SUPT16H: variants seen among roughly 807,000 people sequenced by gnomAD.
SUPT16H encodes the protein SPT16 homolog, facilitates chromatin remodeling subunit.
SUPT16H carries 24 observed loss-of-function variants against 136.2 expected under a neutral mutation model. The ratio of observed to expected loss-of-function variants is 0.18; its 90% CI spans 0.13 to 0.25. The LOEUF (loss-of-function observed/expected upper bound fraction) is 0.25. Among genes scored for constraint, SUPT16H ranks in the 10% least tolerant of loss-of-function variants. The pLI, the probability that SUPT16H is intolerant of heterozygous loss-of-function variation, is 1.00. For synonymous variants in SUPT16H, 415 were observed against 428.2 expected (o/e 0.97, Z 0.38); for missense variants, 623 against 1,270.2 (o/e 0.49, Z 7.74).
chr14:21,369,535 A>G, intron 5 of SUPT16H, 180 bp from the exon 6 acceptor site: 1 of 949,490 alleles, frequency 1.1e-6, no homozygotes, highest in Non-Finnish European at 1.6e-6. Context: ...TAGGACTTAC[A>G]GCTATTCCTA....
Position 21,352,895 on chromosome 14 carries a change from A to G in SUPT16H, c.2999-77T>C, listed in dbSNP as rs911785135. 6 of 1,589,002 alleles carry G rather than the reference A, an allele frequency of 3.8e-6. No individual in the cohort carries two copies. The African/African-American group carries it at 6.7e-5, about 18-fold the overall frequency. On this transcript the variant is annotated intron_variant, in intron 25 of 25. Coordinates refer to ENST00000216297, the MANE Select transcript of SUPT16H (RefSeq NM_007192.4). ...ATATTACTGGATAGCATGAGATAGT[A>G]CAGAGAATACACTTTGGAATCAGAC...
chr14:21,381,058 T>G (rs569118606), intron 1 of SUPT16H, among the ~76,000 whole-genome samples: 1 of 152,050 alleles, frequency 6.6e-6, no homozygotes, highest in East Asian at 1.9e-4. Context: ...TTAGCAGCTC[T>G]CACTTAAAAC....
chr14:21,355,513 T>TAATAAAAAAAAAA (rs1886411942), intron 22 of SUPT16H, among the ~76,000 whole-genome samples: 1 of 113,614 alleles, frequency 8.8e-6, no homozygotes, highest in African/African-American at 3.3e-5. Context: ...ATAATAATAA[T>TAATAAAAAAAAAA]AAAAAAAAAA....
intron 3 of SUPT16H, among the ~76,000 whole-genome samples, chr14:21,371,106 C>A (rs537425582): frequency 1.3e-5 from 2 of 151,068 alleles, no homozygotes; most frequent in East Asian, 2.0e-4. Flanking sequence ...GGAACTCCTG[C>A]GCTCAAGTGC....
At position 21,383,844 on chromosome 14, in the gene SUPT16H, T is replaced by A; in HGVS notation, c.66+18A>T. ...GGCTAAGGGGGCTCCCTAGGAAAAA[T>A]TACAGGATCTTCCTCACCCGCCAAT... On this transcript the variant is annotated intron_variant, in intron 1 of 25. Transcript: ENST00000216297. 1 of 1,613,706 alleles carries A rather than the reference T, an allele frequency of 6.2e-7. No homozygotes were observed.
intron 1 of SUPT16H, among the ~76,000 whole-genome samples, chr14:21,380,159 G>C (rs1163923517): frequency 6.6e-6 from 1 of 151,950 alleles, no homozygotes; most frequent in Admixed American, 6.6e-5. Flanking sequence ...AAGTAATCTA[G>C]AAATAAAAAA....
rs896356237 is a variant in SUPT16H at position 21,358,103 on chromosome 14, C to A, written c.2415-101G>T. The A allele has an allele frequency of 3.7e-6, 4 of 1,090,628 alleles. No individual in the cohort carries two copies. The African/African-American group carries it at 6.3e-5, about 17-fold the overall frequency. The allele number at this position is 1,090,628 out of a possible 1,614,324, so 67.6% of individuals were successfully genotyped here. The stretch of plus-strand genomic sequence containing the variant: ...CTCTCCCCATTCCAAACAGCTCCAG[C>A]ATACTCACTGGAGACTCATCCAGAG... On this transcript the variant is annotated intron_variant, in intron 20 of 25. Transcript: ENST00000216297.
intron 1 of SUPT16H, among the ~76,000 whole-genome samples, chr14:21,374,073 T>C (rs1190365183): frequency 6.6e-6 from 1 of 152,246 alleles, no homozygotes; most frequent in Non-Finnish European, 1.5e-5. Context: ...CTCTCAAAGA[T>C]AAGCCACCTT....
chr14:21,373,442 G>A lies in SUPT16H; in HGVS notation c.67-12C>T. ...TCATCTTCTCCTTTCTGAAAAGAGT[G>A]GGTAATCATCACTTAATTTTTCACA... On this transcript the variant is annotated splice_polypyrimidine_tract_variant and intron_variant, in intron 1 of 25. Transcript: ENST00000216297. 1 of 1,595,970 alleles carries A rather than the reference G, an allele frequency of 6.3e-7. No individual in the cohort carries two copies. The highest frequency in any genetic ancestry group is 1.1e-5 in the South Asian group (1 of 90,702).
chr14:21,366,471 T>G lies in SUPT16H; in HGVS notation c.1014A>C (p.Pro338=). The part of the protein sequence containing the change: ...AVMDVVKKQK[P]ELLNKITKNL... Reference sequence around the variant, plus strand: ...TTTTGGTAATTTTGTTCAGCAGTTCTGGCTTCTGCTTTTTAACCACGTCCA... The same window carrying G: ...TTTTGGTAATTTTGTTCAGCAGTTCGGGCTTCTGCTTTTTAACCACGTCCA... The change falls in exon 8 of 26, where the codon CCA becomes CCC. Residue 338 remains proline (P), a synonymous_variant. Transcript: ENST00000216297. 6.2e-7 allele frequency: 1 copy of G among 1,614,182 alleles called. No individual in the cohort carries two copies. The highest frequency in any genetic ancestry group is 2.2e-5 in the East Asian group (1 of 44,872).
chr14:21,355,513 TAAA>T (rs59639210), intron 22 of SUPT16H, among the ~76,000 whole-genome samples: 36,724 of 114,106 alleles, frequency 0.32, 5,012 homozygotes, highest in South Asian at 0.5. Context: ...ATAATAATAA[TAAA>T]AAAAAAAAAA....
intron 21 of SUPT16H, 44 bp downstream of exon 21, chr14:21,357,883 T>C (rs767402076): frequency 1.3e-6 from 2 of 1,565,236 alleles, no homozygotes; most frequent in Non-Finnish European, 1.8e-6. Context: ...CTTCTTTATT[T>C]TCTCTAACAA....
intron 7 of SUPT16H, among the ~76,000 whole-genome samples, chr14:21,367,160 T>C (rs1886689533): frequency 6.6e-6 from 1 of 152,194 alleles, no homozygotes; most frequent in Admixed American, 6.5e-5. Context: ...AGGATGGTCC[T>C]GACCTCATGA....
At chr14:21,377,405 A>G (rs1423989452) in intron 1 of SUPT16H, among the ~76,000 whole-genome samples, 1 of 152,210 alleles carries the variant, frequency 6.6e-6, no homozygotes, top group Non-Finnish European at 1.5e-5. Context: ...GACGCCAAAT[A>G]ATGGCTTCAA....
chr14:21,370,448 G>T lies in SUPT16H; in HGVS notation c.371C>A (p.Ala124Asp). The T allele has an allele frequency of 6.2e-7, 1 of 1,613,852 alleles. No individual in the cohort carries two copies. Among genetic ancestry groups the T allele is most frequent in the Non-Finnish European group, 8.5e-7 (1 of 1,179,954 alleles). ...CTTGCCATTCTTGCTTTCTTTAATG[G>T]CTTCAATCATTTTGTCAAAGCTACT... Reference protein sequence around the residue: ...NKSSFDKMIEAIKESKNGKKI... With the variant: ...NKSSFDKMIEDIKESKNGKKI... Residue 124 changes from alanine to aspartate, a missense_variant, in exon 4 of 26, where the codon GCC (alanine) becomes GAC (aspartate). By Grantham distance (126) the Ala-to-Asp change is moderately radical (BLOSUM62 -2). This residue lies in a region of SUPT16H where 343 missense variants were observed against 525.7 expected (regional missense o/e 0.65). Transcript: ENST00000216297.
chr14:21,369,772 ATGACTCTTTCCT>A lies in SUPT16H; in HGVS notation c.596_607del (p.Lys199_Val202del). 6.2e-7 allele frequency: 1 copy of A among 1,614,026 alleles called. No homozygotes were observed. The highest frequency in any genetic ancestry group is 8.5e-7 in the Non-Finnish European group (1 of 1,179,924). Reference sequence around the variant, plus strand: ...TACCTCATCTGCATCAACTATTTCCATGACTCTTTCCTTGAAGAATTTGTTGAAGACTTCAGA... The same window carrying A: ...TACCTCATCTGCATCAACTATTTCCATGAAGAATTTGTTGAAGACTTCAGA... On this transcript the variant is annotated inframe_deletion, in exon 5 of 26. Transcript: ENST00000216297.
At chr14:21,359,328 T>C (rs1169396523) in intron 19 of SUPT16H, among the ~76,000 whole-genome samples, 156 bp downstream of exon 19, 1 of 149,648 alleles carries the variant, frequency 6.7e-6, no homozygotes, top group African/African-American at 2.5e-5. Context: ...CTCCTGACCC[T>C]CAGGTGATCT....
intron 8 of SUPT16H, 129 bp from the exon 9 acceptor site, chr14:21,365,272 G>C (rs746695520): frequency 1.2e-6 from 1 of 823,046 alleles, no homozygotes; most frequent in Non-Finnish European, 1.9e-6. Context: ...CCTGCTGACC[G>C]CTCAGTTAGA....
In SUPT16H at chr14:21,358,379, T is replaced by G. The variant is rs775087323; in HGVS notation, c.2350A>C (p.Ile784Leu). 1 of 1,613,968 alleles carries G rather than the reference T, an allele frequency of 6.2e-7. No individual in the cohort carries two copies. The highest frequency in any genetic ancestry group is 1.1e-5 in the South Asian group (1 of 91,064). Residue 784 changes from isoleucine to leucine, a missense_variant, in exon 20 of 26, where the codon ATT becomes CTT. By Grantham distance (5) the Ile-to-Leu change is conservative. This residue lies in a region of SUPT16H where 74 missense variants were observed against 193.8 expected (regional missense o/e 0.38). Transcript: ENST00000216297. ...HKLKTAFKNF[I>L]EKVEALTKEE... ...TTAGTTAGAGCCTCTACTTTCTCAA[T>G]GAAATTTTTAAAGGCTGTTTTCAGT... is the stretch of plus-strand genomic sequence containing the variant.
Sources: allele counts gnomAD v4.1 joint callset (sites outside exome capture counted in the v4.1 genomes callset), GRCh38; gene constraint gnomAD v4.1.1; regional missense constraint gnomAD v4.1.1; transcripts MANE v1.5; gene names NCBI Gene and HGNC (gene_info 2026-07-23, HGNC 2026-07-21).